SLC2A13: variants seen among roughly 807,000 people sequenced by gnomAD.
The protein encoded by SLC2A13 is solute carrier family 2 member 13.
In SLC2A13, 32 loss-of-function variants were observed where a neutral mutation model predicts 64.4. The observed-to-expected ratio is 0.50, with a 90% CI of 0.37 to 0.67. The LOEUF (loss-of-function observed/expected upper bound fraction) is 0.67, where lower values mean the gene tolerates loss of function less well. Ranked by LOEUF, SLC2A13 falls within the 30% of genes least tolerant of loss-of-function variation. The pLI, the probability that SLC2A13 is intolerant of heterozygous loss-of-function variation, is 0.00. For missense variants in SLC2A13, 743 were observed against 829.2 expected, an observed-to-expected ratio of 0.90 and a Z score of 1.28; for synonymous variants, 338 against 327.1, an observed-to-expected ratio of 1.03 and a Z score of -0.36.
chr12:39,900,869 C>T (rs990472598), intron 4 of SLC2A13, among the ~76,000 whole-genome samples: 15 of 152,132 alleles, frequency 9.9e-5, no homozygotes, highest in Admixed American at 7.9e-4. Flanking sequence ...AAAAAAGATC[C>T]CGCATCGCCA....
At position 39,947,278 on chromosome 12, in the gene SLC2A13, C is replaced by T. The variant is rs575711481; in HGVS notation, c.1034+3979G>A. On this transcript the variant is annotated intron_variant, in intron 4 of 9. Coordinates refer to ENST00000280871, the MANE Select transcript of SLC2A13 (RefSeq NM_052885.4). ...AAGCTTAAACTCTGGATTTTCTTTCCCCCTTTACTACTGTTTTTCTGTGTA... is the reference window on the plus strand; with the variant it reads ...AAGCTTAAACTCTGGATTTTCTTTCTCCCTTTACTACTGTTTTTCTGTGTA... Among the ~76,000 whole-genome samples the T allele has an allele frequency of 5.9e-5, 9 of 152,284 alleles. No individual in the cohort carries two copies. The South Asian group carries it at 1.9e-3, about 32-fold the overall frequency.
chr12:39,922,496 T>C (rs1211390685), intron 4 of SLC2A13, among the ~76,000 whole-genome samples: 1 of 152,206 alleles, frequency 6.6e-6, no homozygotes, highest in Non-Finnish European at 1.5e-5. Flanking sequence ...TTATCTATCT[T>C]TTTAAGGGGT....
intron 3 of SLC2A13, among the ~76,000 whole-genome samples, chr12:39,954,581 CT>C (rs1236325723): frequency 3.3e-5 from 5 of 152,020 alleles, no homozygotes; most frequent in African/African-American, 1.2e-4. Context: ...AGGGATATAC[CT>C]TAATAATGGT....
At chr12:39,786,998 A>T (rs1566788524) in intron 7 of SLC2A13, among the ~76,000 whole-genome samples, 7 of 151,748 alleles carry the variant, frequency 4.6e-5, no homozygotes, top group African/African-American at 1.7e-4. Flanking sequence ...TTTTTTTTAA[A>T]AAAATAATAA....
intron 7 of SLC2A13, among the ~76,000 whole-genome samples, chr12:39,797,736 A>ACACG (rs1555237501): frequency 4.1e-5 from 1 of 24,476 alleles, no homozygotes; most frequent in African/African-American, 8.5e-5. Flanking sequence ...AAACACACAC[A>ACACG]CACACACACA....
At chr12:39,928,917 T>C (rs994756520) in intron 4 of SLC2A13, among the ~76,000 whole-genome samples, 2 of 152,016 alleles carry the variant, frequency 1.3e-5, no homozygotes, top group Non-Finnish European at 2.9e-5. Context: ...AAAGGACTGG[T>C]TGACAATCCT....
chr12:39,775,860 T>C (rs1036407054), intron 7 of SLC2A13, among the ~76,000 whole-genome samples: 4 of 152,230 alleles, frequency 2.6e-5, no homozygotes, highest in African/African-American at 9.6e-5. Context: ...TTTCAGATTT[T>C]GGAATATTTT....
chr12:40,028,857 AT>A lies in SLC2A13; in HGVS notation c.717-349del, dbSNP rs1360941537. On this transcript the variant is annotated intron_variant, in intron 2 of 9. Coordinates refer to ENST00000280871, the MANE Select transcript of SLC2A13 (RefSeq NM_052885.4). ...GTAAGGCTAACATATGTAATTTTGT[AT>A]TTTACAATATAAAATGGGGCTACGA... Among the ~76,000 whole-genome samples the A allele has an allele frequency of 2.3e-4, 35 of 152,330 alleles. 1 individual carries two copies. Among genetic ancestry groups the A allele is most frequent in the African/African-American group, 8.2e-4 (34 of 41,582 alleles).
At chr12:40,021,511 C>T (rs1322620094) in intron 3 of SLC2A13, among the ~76,000 whole-genome samples, 5 of 152,132 alleles carry the variant, frequency 3.3e-5, no homozygotes, top group Non-Finnish European at 7.4e-5. Context: ...ATTAAAGTAG[C>T]TTTTTATCTG....
In SLC2A13 at chr12:39,987,033, C is replaced by T. The variant is rs137878116; in HGVS notation, c.926-35668G>A. Among the ~76,000 whole-genome samples the T allele has an allele frequency of 6.6e-3, 1,006 of 152,264 alleles. 2 individuals carry two copies. Among genetic ancestry groups the T allele is most frequent in the Middle Eastern group, 0.041 (12 of 294 alleles). On this transcript the variant is annotated intron_variant, in intron 3 of 9. Transcript: ENST00000280871. ...TGATCATAAACTATAAATTTAACAACCTGGTTTCCCCTTTGGCTGCCTTTA... is the reference window on the plus strand; with the variant it reads ...TGATCATAAACTATAAATTTAACAATCTGGTTTCCCCTTTGGCTGCCTTTA...
chr12:39,788,032 A>C (rs573812360), intron 7 of SLC2A13, among the ~76,000 whole-genome samples: 1 of 152,202 alleles, frequency 6.6e-6, no homozygotes, highest in Non-Finnish European at 1.5e-5. Flanking sequence ...GGACAATTAC[A>C]TAATAATACA....
chr12:39,922,761 T>C (rs1339213254), intron 4 of SLC2A13, among the ~76,000 whole-genome samples: 2 of 152,174 alleles, frequency 1.3e-5, no homozygotes, highest in African/African-American at 4.8e-5. Context: ...TTTCACTAAA[T>C]ACTGCCTCTA....
chr12:39,920,548 C>T (rs1335205367), intron 4 of SLC2A13, among the ~76,000 whole-genome samples: 1 of 152,004 alleles, frequency 6.6e-6, no homozygotes, highest in African/African-American at 2.4e-5. Flanking sequence ...TGGTTCTTTC[C>T]TTCATGTAGC....
rs1490818654 is a variant in SLC2A13, at chr12:39,755,789, A to G, written c.*4237T>C. 1.3e-5 allele frequency: 2 copies of G among 152,100 alleles called. No individual in the cohort carries two copies. 9.4% of individuals were successfully genotyped at this position (152,100 alleles called of 1,614,324 possible). ...CCAAATTACTCAAGTACAACAGACT[A>G]TATATTTTGTACATATAAAGATTTA... On this transcript the variant is annotated 3_prime_UTR_variant, in exon 10 of 10. Transcript: ENST00000280871.
intron 3 of SLC2A13, among the ~76,000 whole-genome samples, chr12:39,974,625 G>C (rs1179282451): frequency 1.3e-5 from 2 of 152,098 alleles, no homozygotes; most frequent in Admixed American, 6.6e-5. Flanking sequence ...ACTTCATTGA[G>C]ACTCTAAATG....
At chr12:39,823,844 TTAAATTGTTTTTTA>T (rs1942592108) in intron 7 of SLC2A13, among the ~76,000 whole-genome samples, 1 of 152,368 alleles carries the variant, frequency 6.6e-6, no homozygotes, top group South Asian at 2.1e-4. Flanking sequence ...AGTATTATTT[TTAAATTGTTTTTTA>T]GTGTTTTTAT....
intron 3 of SLC2A13, among the ~76,000 whole-genome samples, chr12:40,020,063 G>A (rs1306373991): frequency 1.3e-5 from 2 of 152,108 alleles, no homozygotes; most frequent in African/African-American, 4.8e-5. Flanking sequence ...CAGGTAAGAG[G>A]AGAAAATTAA....
At chr12:39,980,395 C>A (rs1946866383) in intron 3 of SLC2A13, among the ~76,000 whole-genome samples, 1 of 151,740 alleles carries the variant, frequency 6.6e-6, no homozygotes, top group South Asian at 2.1e-4. Flanking sequence ...GATAAAGAGT[C>A]AAGACCCATC....
chr12:40,037,371 C>A (rs951571696), intron 2 of SLC2A13, among the ~76,000 whole-genome samples: 10 of 152,070 alleles, frequency 6.6e-5, no homozygotes, highest in East Asian at 3.9e-4. Context: ...CTAATCTCAG[C>A]AATTTGGTAG....
Sources: allele counts gnomAD v4.1 joint callset (sites outside exome capture counted in the v4.1 genomes callset), GRCh38; gene constraint gnomAD v4.1.1; transcripts MANE v1.5; gene names NCBI Gene and HGNC (gene_info 2026-07-23, HGNC 2026-07-21).